The following NEK7 variants were observed in gnomAD, a reference collection of about 807,000 sequenced individuals.
NEK7 encodes the protein NIMA related kinase 7.
Under a neutral mutation model 44.6 loss-of-function variants are expected in NEK7, and 18 were observed. The ratio of observed to expected loss-of-function variants is 0.40; its 90% confidence interval spans 0.28 to 0.60. The LOEUF is 0.60. Among genes scored for constraint, NEK7 ranks in the 20% least tolerant of loss-of-function variants. The pLI is 0.38. For synonymous variants in NEK7, 130 were observed against 121.1 expected (o/e 1.07, Z -0.48); for missense variants, 256 against 366.5 (o/e 0.70, Z 2.46).
rs1481475357 is a variant in NEK7, at chr1:198,274,834, A to AAAAGAGTGTGTCT, written c.373-3125_373-3113dup. Reference sequence around the variant, plus strand: ...GGATGTTTGGAGATGAATAATTTTAAAAAGAGTGTGTCTATTAAGATGTGA... The same window carrying AAAAGAGTGTGTCT: ...GGATGTTTGGAGATGAATAATTTTAAAAAGAGTGTGTCTAAAGAGTGTGTCTATTAAGATGTGA... On this transcript the variant is annotated intron_variant, in intron 5 of 9. Transcript: ENST00000367385. Among the ~76,000 whole-genome samples, 22 of 151,880 alleles carry AAAAGAGTGTGTCT rather than the reference A, an allele frequency of 1.4e-4. No homozygotes were observed. In the East Asian group the frequency reaches 3.9e-3, roughly 27 times the overall value.
chr1:198,309,741 A>G (rs978357763), intron 9 of NEK7, among the ~76,000 whole-genome samples: 9 of 152,148 alleles, frequency 5.9e-5, no homozygotes, highest in African/African-American at 1.9e-4. Flanking sequence ...ATGATTTCCA[A>G]TTTCATCCAT....
chr1:198,170,517 C>A (rs1202821435), intron 1 of NEK7, among the ~76,000 whole-genome samples: 1 of 152,072 alleles, frequency 6.6e-6, no homozygotes, highest in African/African-American at 2.4e-5. Flanking sequence ...CTAGGTAAGT[C>A]GTTTGGCTTT....
intron 9 of NEK7, among the ~76,000 whole-genome samples, chr1:198,314,930 G>A (rs560222621): frequency 6.5e-4 from 99 of 152,348 alleles, no homozygotes; most frequent in African/African-American, 2.3e-3. Context: ...ACAGAGGCAG[G>A]CAGGTCTCCT....
intron 5 of NEK7, among the ~76,000 whole-genome samples, chr1:198,274,282 C>G (rs4484953): frequency 0.14 from 20,849 of 150,764 alleles, 2,112 homozygotes; most frequent in East Asian, 0.57. Context: ...TTTTTTTAAC[C>G]ACAGCAGTAC....
In NEK7 at chr1:198,215,887, A is replaced by G. The variant is rs549297599; in HGVS notation, c.-28-16666A>G. On this transcript the variant is annotated intron_variant, in intron 1 of 9. Coordinates refer to ENST00000367385, the MANE Select transcript of NEK7 (RefSeq NM_133494.3). ...ACAATCCTAAACATGTATGTGCCCA[A>G]CTCTGGAGTACCCAGATTCATAAAG... Among the ~76,000 whole-genome samples the G allele has an allele frequency of 4.6e-5, 7 of 152,158 alleles. No individual in the cohort carries two copies. The South Asian group carries it at 1.5e-3, about 32-fold the overall frequency.
intron 3 of NEK7, 137 bp from the exon 4 acceptor site, chr1:198,262,438 C>T: frequency 1.8e-6 from 1 of 541,414 alleles, no homozygotes; most frequent in South Asian, 2.6e-5. Flanking sequence ...TACAGAACTC[C>T]TTAATAAAGA....
At chr1:198,192,537 A>G (rs537417575) in intron 1 of NEK7, among the ~76,000 whole-genome samples, 2 of 152,060 alleles carry the variant, frequency 1.3e-5, no homozygotes, top group Non-Finnish European at 2.9e-5. Flanking sequence ...TGAAGTGGAA[A>G]TAGTTGGAGG....
intron 1 of NEK7, among the ~76,000 whole-genome samples, chr1:198,223,048 T>C (rs1666113538): frequency 6.6e-6 from 1 of 152,080 alleles, no homozygotes. Flanking sequence ...TCAGTGCTGA[T>C]GGAAGGCATT....
chr1:198,161,717 A>G (rs1157064324), intron 1 of NEK7, among the ~76,000 whole-genome samples: 2 of 152,028 alleles, frequency 1.3e-5, no homozygotes, highest in African/African-American at 4.8e-5. Context: ...TTGCTTCTGG[A>G]GGATCCCACT....
At chr1:198,259,785 A>C (rs1391471338) in intron 3 of NEK7, among the ~76,000 whole-genome samples, 1 of 151,486 alleles carries the variant, frequency 6.6e-6, no homozygotes, top group Non-Finnish European at 1.5e-5. Flanking sequence ...CCTTCAGTTC[A>C]AGAACTTTCG....
At chr1:198,273,758 A>G (rs981099576) in intron 5 of NEK7, among the ~76,000 whole-genome samples, 4 of 151,904 alleles carry the variant, frequency 2.6e-5, no homozygotes, top group African/African-American at 4.8e-5. Context: ...AATTGGATAT[A>G]TGAAGGATAA....
chr1:198,297,171 A>T lies in NEK7; in HGVS notation c.729A>T (p.Leu243Phe). 1 of 1,613,568 alleles carries T rather than the reference A, an allele frequency of 6.2e-7. No individual in the cohort carries two copies. The highest frequency in any genetic ancestry group is 8.5e-7 in the Non-Finnish European group (1 of 1,179,702). Residue 243 changes from leucine to phenylalanine, a missense_variant, in exon 9 of 10, where the codon TTA becomes TTT. Around this residue, in one of 3 missense-constraint regions of NEK7, gnomAD observed 102 missense variants for 205.2 expected, o/e 0.50. Coordinates refer to ENST00000367385, the MANE Select transcript of NEK7 (RefSeq NM_133494.3). ...QSPFYGDKMN[L>F]YSLCKKIEQC... ...CTTTCTATGGTGACAAAATGAATTTATACTCACTGTGTAAGAAGATAGAAC... is the reference window on the plus strand; with the variant it reads ...CTTTCTATGGTGACAAAATGAATTTTTACTCACTGTGTAAGAAGATAGAAC...
At chr1:198,190,562 A>G (rs536214026) in intron 1 of NEK7, among the ~76,000 whole-genome samples, 39 of 152,206 alleles carry the variant, frequency 2.6e-4, no homozygotes, top group African/African-American at 8.9e-4. Flanking sequence ...TTCTCTGTGT[A>G]TTTAGAGGAT....
chr1:198,286,954 A>C (rs1325372474), intron 7 of NEK7, among the ~76,000 whole-genome samples: 1 of 152,092 alleles, frequency 6.6e-6, no homozygotes, highest in East Asian at 1.9e-4. Context: ...CTTACTGATA[A>C]TCTAGGGTAA....
chr1:198,297,373 T>TTTTCA, intron 9 of NEK7, 133 bp downstream of exon 9: 2 of 1,111,382 alleles, frequency 1.8e-6, no homozygotes, highest in Non-Finnish European at 2.6e-6. Flanking sequence ...TTTAATTCTG[T>TTTTCA]TTTCATTCTC....
chr1:198,275,751 T>G (rs1223759124), intron 5 of NEK7, among the ~76,000 whole-genome samples: 1 of 151,520 alleles, frequency 6.6e-6, no homozygotes, highest in Non-Finnish European at 1.5e-5. Context: ...ATTGCCTTTT[T>G]GCTGTTCATC....
chr1:198,182,071 TAA>T (rs1664784286), intron 1 of NEK7, among the ~76,000 whole-genome samples: 1 of 152,056 alleles, frequency 6.6e-6, no homozygotes. Context: ...TTGATGGAAA[TAA>T]AGAGTGAAAT....
Position 198,319,641 on chromosome 1 carries a change from T to C in NEK7, c.*119T>C. ...TTCAGAGCTAGTGTGCTTTGAATCCTTAACCAGTTTTCATATAAGCTTCAT... is the reference window on the plus strand; with the variant it reads ...TTCAGAGCTAGTGTGCTTTGAATCCCTAACCAGTTTTCATATAAGCTTCAT... On this transcript the variant is annotated 3_prime_UTR_variant, in exon 10 of 10. Coordinates refer to ENST00000367385, the MANE Select transcript of NEK7 (RefSeq NM_133494.3). 2 of 1,218,050 alleles carry C rather than the reference T, an allele frequency of 1.6e-6. No homozygotes were observed. Among genetic ancestry groups the C allele is most frequent in the Non-Finnish European group, 2.1e-6 (2 of 940,284 alleles). The allele number at this position is 1,218,050 out of a possible 1,614,324, so 75.5% of individuals were successfully genotyped here.
At chr1:198,313,600 G>C (rs1655258829) in intron 9 of NEK7, among the ~76,000 whole-genome samples, 1 of 137,568 alleles carries the variant, frequency 7.3e-6, no homozygotes, top group Non-Finnish European at 1.5e-5. Flanking sequence ...TCCATGTTTA[G>C]TGCTTCCTTC....
Sources: allele counts gnomAD v4.1 joint callset (sites outside exome capture counted in the v4.1 genomes callset), GRCh38; gene constraint gnomAD v4.1.1; regional missense constraint gnomAD v4.1.1; transcripts MANE v1.5; gene names NCBI Gene and HGNC (gene_info 2026-07-23, HGNC 2026-07-21).